REPS2: variants seen among roughly 807,000 people sequenced by gnomAD.
The protein encoded by REPS2 is ralBP1-associated Eps domain-containing protein 2.
Under a neutral mutation model 53.6 loss-of-function variants are expected in REPS2, and 23 were observed. That is an observed-to-expected ratio of 0.43 (90% confidence interval 0.31 to 0.61). The LOEUF (loss-of-function observed/expected upper bound fraction) is 0.61. REPS2 is among the 20% of genes least tolerant of loss of function. The pLI is 0.11. For missense variants in REPS2, 446 were observed against 534.9 expected, an observed-to-expected ratio of 0.83 and a Z score of 1.64; for synonymous variants, 238 against 218.6, an observed-to-expected ratio of 1.09 and a Z score of -0.78.
downstream of REPS2, among the ~76,000 whole-genome samples, chrX:17,156,760 C>T (rs895122380): frequency 9.0e-6 from 1 of 111,272 alleles, no homozygotes; most frequent in Non-Finnish European, 1.9e-5. Context: ...GGAATGGAAT[C>T]AAGGAAACCA....
the REPS2 span, among the ~76,000 whole-genome samples, chrX:17,184,967 G>A: frequency 1.8e-5 from 2 of 111,326 alleles, no homozygotes; most frequent in African/African-American, 6.5e-5. Context: ...GTTTTATTGT[G>A]TAACAGACTA....
intron 14 of REPS2, among the ~76,000 whole-genome samples, chrX:17,108,969 T>A (rs1400993737): frequency 3.2e-4 from 30 of 92,985 alleles, no homozygotes; most frequent in South Asian, 9.8e-4. Flanking sequence ...ACTGCAGATT[T>A]AAAAAAAAAA....
At position 16,986,936 on chromosome X, in the gene REPS2, T is replaced by G. The variant is rs112803720; in HGVS notation, c.274-19285T>G. ...TTTTTTTTTTTTTTTCTGAGACAGGTTCTTGCTGTGTCACCCAGGCTAGAA... is the reference window on the plus strand; with the variant it reads ...TTTTTTTTTTTTTTTCTGAGACAGGGTCTTGCTGTGTCACCCAGGCTAGAA... On this transcript the variant is annotated intron_variant, in intron 1 of 17. Coordinates refer to ENST00000357277, the MANE Select transcript of REPS2 (RefSeq NM_004726.3). 5.3e-3 allele frequency among the ~76,000 whole-genome samples: 556 copies of G among 103,946 alleles called. 5 individuals are homozygous for G. Among genetic ancestry groups the G allele is most frequent in the African/African-American group, 0.019 (531 of 28,347 alleles). The allele number at this position is 103,946 out of a possible 115,157, so 90.3% of individuals were successfully genotyped here. A position where few individuals can be genotyped will look rare whatever the true frequency, so the allele number is the denominator to read the frequency against.
chrX:16,998,021 G>T (rs2061252888), intron 1 of REPS2, among the ~76,000 whole-genome samples: 1 of 111,008 alleles, frequency 9.0e-6, no homozygotes, highest in Admixed American at 9.6e-5. Flanking sequence ...AAGGTAAGCA[G>T]ATTGCTGGAG....
Position 17,133,940 on chromosome X carries a change from G to T in REPS2, c.1662+33G>T, listed in dbSNP as rs746594240. The stretch of plus-strand genomic sequence containing the variant: ...CAGCCTGAGGATGCTGTCAGATGGC[G>T]TTGCGAGTCCCACCCCGGGCTTCTT... On this transcript the variant is annotated intron_variant, in intron 15 of 17. Transcript: ENST00000357277. 3.8e-6 allele frequency: 4 copies of T among 1,061,984 alleles called. No homozygotes were observed. In the Admixed American group the frequency reaches 8.8e-5, roughly 23 times the overall value. 87.5% of individuals were successfully genotyped at this position (1,061,984 alleles called of 1,213,427 possible).
intron 13 of REPS2, among the ~76,000 whole-genome samples, chrX:17,079,354 T>C (rs961101423): frequency 9.0e-6 from 1 of 111,715 alleles, no homozygotes; most frequent in African/African-American, 3.3e-5. Flanking sequence ...CAGACAATTC[T>C]GTGATTCCTC....
chrX:17,178,279 A>G, the REPS2 span, among the ~76,000 whole-genome samples: 6 of 112,138 alleles, frequency 5.4e-5, no homozygotes, highest in Admixed American at 9.5e-5. Flanking sequence ...AACCTTGTTC[A>G]TTTATGTGGT....
At chrX:17,142,428 A>G (rs959429816) in intron 17 of REPS2, among the ~76,000 whole-genome samples, 1 of 111,795 alleles carries the variant, frequency 8.9e-6, no homozygotes, top group African/African-American at 3.2e-5. Flanking sequence ...AGTGGGAGAA[A>G]GTATTTGCAA....
intron 17 of REPS2, among the ~76,000 whole-genome samples, chrX:17,142,000 G>A (rs1250764935): frequency 1.8e-5 from 2 of 111,804 alleles, no homozygotes; most frequent in Non-Finnish European, 1.9e-5. Flanking sequence ...TTACTGTCAA[G>A]CTCCAGTAAT....
intron 17 of REPS2, among the ~76,000 whole-genome samples, chrX:17,145,613 A>G (rs934019870): frequency 7.2e-5 from 8 of 111,230 alleles, no homozygotes; most frequent in African/African-American, 2.6e-4. Context: ...TTCAAGATTT[A>G]TCTAGAATTC....
intron 3 of REPS2, 55 bp from the exon 4 acceptor site, chrX:17,025,004 C>T: frequency 8.3e-7 from 1 of 1,209,541 alleles, no homozygotes; most frequent in South Asian, 1.8e-5. Context: ...CTGACTGCAG[C>T]TCAGAACGCC....
the REPS2 span, among the ~76,000 whole-genome samples, chrX:17,195,435 A>G: frequency 8.9e-6 from 1 of 112,098 alleles, no homozygotes; most frequent in Non-Finnish European, 1.9e-5. Flanking sequence ...ATAACAGTCT[A>G]ATGGTAAAAT....
chrX:17,015,893 G>A (rs2061486776), intron 2 of REPS2, among the ~76,000 whole-genome samples: 1 of 111,975 alleles, frequency 8.9e-6, no homozygotes, highest in African/African-American at 3.3e-5. Context: ...TGTCTTTATA[G>A]CAGCATGATT....
chrX:17,095,795 G>A (rs893034232), intron 13 of REPS2, among the ~76,000 whole-genome samples: 1 of 110,708 alleles, frequency 9.0e-6, no homozygotes, highest in South Asian at 3.9e-4. Context: ...CATTGCTTTA[G>A]GTTTTTATTG....
At chrX:16,965,169 C>T (rs1312084385) in intron 1 of REPS2, among the ~76,000 whole-genome samples, 14 of 86,243 alleles carry the variant, frequency 1.6e-4, no homozygotes, top group South Asian at 6.3e-4. Context: ...CCGGACAGGG[C>T]GGCTGGCAGG....
rs777708448 is a variant in REPS2, at chrX:16,991,872, G to A, written c.274-14349G>A. Among the ~76,000 whole-genome samples, 6 of 111,575 alleles carry A rather than the reference G, an allele frequency of 5.4e-5. No individual in the cohort carries two copies. In the East Asian group the frequency reaches 8.4e-4, roughly 16 times the overall value. On this transcript the variant is annotated intron_variant, in intron 1 of 17. Transcript: ENST00000357277. ...CCTGCGGCTGCAAGAAGCCAGGTGAGACACATGGAGCTGATTCTCCCTCAC... is the reference window on the plus strand; with the variant it reads ...CCTGCGGCTGCAAGAAGCCAGGTGAAACACATGGAGCTGATTCTCCCTCAC...
chrX:16,969,087 G>C (rs1269778347), intron 1 of REPS2, among the ~76,000 whole-genome samples: 1 of 110,244 alleles, frequency 9.1e-6, no homozygotes, highest in Non-Finnish European at 1.9e-5. Flanking sequence ...CATCCCGGAT[G>C]GGGCGGCAGG....
intron 3 of REPS2, among the ~76,000 whole-genome samples, chrX:17,023,972 T>C (rs2061605757): frequency 9.0e-6 from 1 of 111,157 alleles, no homozygotes; most frequent in South Asian, 3.8e-4. Context: ...GGAGCCTATA[T>C]ATATAGTCTG....
intron 1 of REPS2, among the ~76,000 whole-genome samples, chrX:16,968,695 G>A (rs1408535999): frequency 9.9e-6 from 1 of 100,966 alleles, no homozygotes; most frequent in Non-Finnish European, 2.1e-5. Flanking sequence ...CGGGCGGGGG[G>A]CTGACCCCCC....
Sources: allele counts gnomAD v4.1 joint callset (sites outside exome capture counted in the v4.1 genomes callset), GRCh38; gene constraint gnomAD v4.1.1; transcripts MANE v1.5; gene names NCBI Gene and HGNC (gene_info 2026-07-23, HGNC 2026-07-21).